The following NT5DC1 variants were observed in gnomAD, a reference collection of about 807,000 sequenced individuals.
The protein encoded by NT5DC1 is 5'-nucleotidase domain-containing protein 1.
In NT5DC1, 42 loss-of-function variants were observed where a neutral mutation model predicts 59.4. The observed-to-expected ratio is 0.71, with a 90% CI of 0.55 to 0.92. NT5DC1 has a LOEUF of 0.92. NT5DC1 is among the 40% of genes least tolerant of loss of function. The probability of loss-of-function intolerance (pLI) is 0.00; values close to 1 mark genes in which losing one functional copy is unlikely to be tolerated. For missense variants in NT5DC1, 501 were observed against 537.1 expected, an observed-to-expected ratio of 0.93 and a Z score of 0.66; for synonymous variants, 172 against 188.1, an observed-to-expected ratio of 0.91 and a Z score of 0.70.
intron 6 of NT5DC1, chr6:116,125,730 A>C (rs1257333831): frequency 8.1e-6 from 3 of 368,438 alleles, no homozygotes; most frequent in Non-Finnish European, 1.5e-5. Context: ...TGAAAATAAA[A>C]TGATTTACCT....
intron 6 of NT5DC1, 114 bp downstream of exon 6, chr6:116,118,059 G>A: frequency 1.0e-5 from 7 of 697,832 alleles, no homozygotes; most frequent in Non-Finnish European, 1.8e-5. Context: ...TTTAATTTAA[G>A]CTTAAATATT....
chr6:116,237,198 T>C, intron 9 of NT5DC1, 114 bp downstream of exon 9: 3 of 681,694 alleles, frequency 4.4e-6, no homozygotes, highest in Non-Finnish European at 8.0e-6. Context: ...CCTTTGTCAA[T>C]GTAGACAGGC....
intron 6 of NT5DC1, among the ~76,000 whole-genome samples, chr6:116,177,522 A>G (rs1429231195): frequency 1.3e-5 from 2 of 152,202 alleles, no homozygotes; most frequent in African/African-American, 2.4e-5. Context: ...GCCACTAAGT[A>G]CTAAATGTAA....
rs116290212 is a variant in NT5DC1 at position 116,227,077 on chromosome 6, G to A, written c.802+3946G>A. On this transcript the variant is annotated intron_variant, in intron 8 of 11. Transcript: ENST00000319550. ...TGTACAATATATTTCTTGGATTTATGGATTTATTCCTCCTACCTGAAATTT... is the reference window on the plus strand; with the variant it reads ...TGTACAATATATTTCTTGGATTTATAGATTTATTCCTCCTACCTGAAATTT... Among the ~76,000 whole-genome samples the A allele has an allele frequency of 5.6e-3, 853 of 152,036 alleles. 10 individuals carry two copies. The highest frequency in any genetic ancestry group is 0.02 in the African/African-American group (811 of 41,482).
At chr6:116,243,845 T>C (rs1582890171) in intron 11 of NT5DC1, 64 bp from the exon 12 acceptor site, 2 of 640,980 alleles carry the variant, frequency 3.1e-6, no homozygotes, top group African/African-American at 1.8e-5. Flanking sequence ...ATATCAAGTT[T>C]TGATTTGTTT....
chr6:116,116,757 A>G (rs1778972620), intron 5 of NT5DC1, among the ~76,000 whole-genome samples: 1 of 152,152 alleles, frequency 6.6e-6, no homozygotes, highest in Non-Finnish European at 1.5e-5. Flanking sequence ...TAGTTTGGGT[A>G]TGTTTGTAGA....
chr6:116,105,409 A>G (rs1028406366), intron 1 of NT5DC1, among the ~76,000 whole-genome samples: 1 of 152,194 alleles, frequency 6.6e-6, no homozygotes. Flanking sequence ...AAGAAGGGTC[A>G]GATTGTTCAG....
At chr6:116,203,534 T>A (rs1201020603) in intron 6 of NT5DC1, among the ~76,000 whole-genome samples, 1 of 151,964 alleles carries the variant, frequency 6.6e-6, no homozygotes, top group East Asian at 1.9e-4. Flanking sequence ...TCCCTGTTAC[T>A]GAATGTCACA....
chr6:116,144,317 A>G (rs1028996721), intron 6 of NT5DC1, among the ~76,000 whole-genome samples: 8 of 152,174 alleles, frequency 5.3e-5, no homozygotes, highest in South Asian at 2.1e-4. Context: ...CCTGGCCAAC[A>G]TGGTGAAACC....
chr6:116,122,608 T>C lies in NT5DC1; in HGVS notation c.529+4663T>C, dbSNP rs567703382. On this transcript the variant is annotated intron_variant, in intron 6 of 11. Coordinates refer to ENST00000319550, the MANE Select transcript of NT5DC1 (RefSeq NM_152729.3). ...TACAAATATATAGTGTTTGATTTCA[T>C]AGAGCTGTGAGTTCACTTGACCTGA... Among the ~76,000 whole-genome samples, 5 of 152,348 alleles carry C rather than the reference T, an allele frequency of 3.3e-5. No homozygotes were observed. The East Asian group carries it at 5.8e-4, about 18-fold the overall frequency.
intron 6 of NT5DC1, among the ~76,000 whole-genome samples, chr6:116,207,424 T>C (rs1410786460): frequency 6.6e-6 from 1 of 151,936 alleles, no homozygotes; most frequent in Non-Finnish European, 1.5e-5. Context: ...CATATGTCCA[T>C]ATTATATAGG....
At chr6:116,201,191 T>C (rs1406282986) in intron 6 of NT5DC1, among the ~76,000 whole-genome samples, 2 of 151,964 alleles carry the variant, frequency 1.3e-5, no homozygotes, top group Non-Finnish European at 2.9e-5. Flanking sequence ...GGAGGGACAA[T>C]ACATGAGCAG....
At position 116,236,332 on chromosome 6, in the gene NT5DC1, G is replaced by C. The variant is rs2114559625; in HGVS notation, c.803-634G>C. ...CAGCTCACGTACAAGTAATAGAATAGCCGGCAAAATTCAGAGAGGCAAAGA... is the reference window on the plus strand; with the variant it reads ...CAGCTCACGTACAAGTAATAGAATACCCGGCAAAATTCAGAGAGGCAAAGA... On this transcript the variant is annotated intron_variant, in intron 8 of 11. Transcript: ENST00000319550. Among the ~76,000 whole-genome samples the C allele has an allele frequency of 1.3e-5, 2 of 152,282 alleles. 1 individual carries two copies. Among genetic ancestry groups the C allele is most frequent in the South Asian group, 4.1e-4 (2 of 4,828 alleles).
chr6:116,111,000 T>C, intron 4 of NT5DC1, 44 bp downstream of exon 4: 3 of 1,305,366 alleles, frequency 2.3e-6, no homozygotes, highest in Middle Eastern at 1.8e-4. Flanking sequence ...TCCCTGTTTG[T>C]TTTGTACCCT....
At chr6:116,206,680 A>G (rs1421741655) in intron 6 of NT5DC1, among the ~76,000 whole-genome samples, 1 of 151,912 alleles carries the variant, frequency 6.6e-6, no homozygotes, top group Non-Finnish European at 1.5e-5. Flanking sequence ...CTGCTCCATA[A>G]TGATTTAATT....
intron 6 of NT5DC1, among the ~76,000 whole-genome samples, chr6:116,218,272 T>C (rs1014566057): frequency 6.6e-6 from 1 of 152,186 alleles, no homozygotes; most frequent in African/African-American, 2.4e-5. Context: ...AACAGTAGCT[T>C]TTTAATGGTA....
intron 6 of NT5DC1, among the ~76,000 whole-genome samples, chr6:116,146,940 T>C (rs1779912251): frequency 6.7e-6 from 1 of 150,374 alleles, no homozygotes; most frequent in Admixed American, 6.6e-5. Flanking sequence ...AAAAAATAAA[T>C]TATAAAACTA....
chr6:116,119,200 A>G (rs1392553600), intron 6 of NT5DC1: 1 of 152,696 alleles, frequency 6.5e-6, no homozygotes, highest in African/African-American at 2.4e-5. Flanking sequence ...AGTGTAAATT[A>G]TAACTTCACT....
chr6:116,220,178 A>G (rs1296643225), intron 6 of NT5DC1, among the ~76,000 whole-genome samples: 1 of 136,824 alleles, frequency 7.3e-6, no homozygotes, highest in African/African-American at 2.9e-5. Context: ...TAACAATTAG[A>G]GAAAGTAAAA....
Sources: gnomAD v4.1 joint callset for allele counts (sites outside exome capture counted in the v4.1 genomes callset) on GRCh38, gnomAD v4.1.1 for gene constraint, MANE v1.5 for transcripts, NCBI Gene and HGNC (gene_info 2026-07-23, HGNC 2026-07-21) for gene names.